PCMTD1: variants seen among roughly 807,000 people sequenced by gnomAD.
The protein encoded by PCMTD1 is protein-L-isoaspartate O-methyltransferase domain-containing protein 1.
PCMTD1 carries 12 observed loss-of-function variants against 37.6 expected under a neutral mutation model. That is an observed-to-expected ratio of 0.32 (90% CI 0.20 to 0.52). The LOEUF (loss-of-function observed/expected upper bound fraction) is 0.52, where lower values mean the gene tolerates loss of function less well. PCMTD1 is among the 20% of genes least tolerant of loss of function. The pLI, the probability that PCMTD1 is intolerant of heterozygous loss-of-function variation, is 0.97. For missense variants in PCMTD1, 235 were observed against 421.3 expected (o/e 0.56, Z 3.87); for synonymous variants, 117 against 135.8 (o/e 0.86, Z 0.96).
intron 3 of PCMTD1, among the ~76,000 whole-genome samples, chr8:51,836,337 A>G (rs1411494353): frequency 6.6e-6 from 1 of 152,244 alleles, no homozygotes; most frequent in Non-Finnish European, 1.5e-5. Flanking sequence ...ACAATGTAAA[A>G]TATCTAATTC....
chr8:51,875,613 A>G (rs2038699865), intron 1 of PCMTD1, among the ~76,000 whole-genome samples: 1 of 152,230 alleles, frequency 6.6e-6, no homozygotes, highest in South Asian at 2.1e-4. Flanking sequence ...TCTTTTCAAC[A>G]TAAATAAAAA....
At chr8:51,826,840 T>C in intron 5 of PCMTD1, 1 of 782,450 alleles carries the variant, frequency 1.3e-6, no homozygotes, top group Non-Finnish European at 1.6e-6. Flanking sequence ...GAATGTCTTC[T>C]CCTCAACCCC....
intron 2 of PCMTD1, among the ~76,000 whole-genome samples, chr8:51,855,964 G>A (rs1045614630): frequency 2.0e-5 from 3 of 152,078 alleles, no homozygotes; most frequent in Non-Finnish European, 4.4e-5. Context: ...ACCGCGCCTG[G>A]CCCAGAATGT....
chr8:51,888,991 G>A (rs150885312), intron 1 of PCMTD1, among the ~76,000 whole-genome samples: 64 of 152,264 alleles, frequency 4.2e-4, no homozygotes, highest in Non-Finnish European at 7.2e-4. Context: ...GTGACTAGAT[G>A]ATTCAAATCT....
chr8:51,871,356 C>A (rs1341146886), intron 1 of PCMTD1, among the ~76,000 whole-genome samples: 1 of 152,200 alleles, frequency 6.6e-6, no homozygotes. Context: ...CAGTTATCTT[C>A]TGCCATGCTC....
chr8:51,854,371 A>AG (rs1048832139), intron 2 of PCMTD1, among the ~76,000 whole-genome samples: 25 of 66,114 alleles, frequency 3.8e-4, no homozygotes, highest in Admixed American at 8.6e-4. Flanking sequence ...TGTAAGTGAG[A>AG]GGGGGAAAAA....
At chr8:51,862,071 T>C (rs1291387456) in intron 1 of PCMTD1, among the ~76,000 whole-genome samples, 2 of 152,198 alleles carry the variant, frequency 1.3e-5, no homozygotes, top group Non-Finnish European at 2.9e-5. Flanking sequence ...TAGTATAGTA[T>C]AGTACAGTAT....
chr8:51,884,200 G>A (rs1337197536), intron 1 of PCMTD1, among the ~76,000 whole-genome samples: 1 of 152,124 alleles, frequency 6.6e-6, no homozygotes, highest in Non-Finnish European at 1.5e-5. Flanking sequence ...AATAAACCAG[G>A]TGTACCTCTT....
At chr8:51,833,372 T>C in intron 4 of PCMTD1, 146 bp downstream of exon 4, 1 of 547,316 alleles carries the variant, frequency 1.8e-6, no homozygotes, top group Non-Finnish European at 2.9e-6. Context: ...ATGTTTCAAG[T>C]TTTTTCTAAA....
chr8:51,895,106 C>A (rs1042193174), intron 1 of PCMTD1, among the ~76,000 whole-genome samples: 2 of 151,978 alleles, frequency 1.3e-5, no homozygotes, highest in Non-Finnish European at 2.9e-5. Context: ...TGTGGGATTG[C>A]CAAAGAAGAG....
At chr8:51,830,183 T>C (rs1487880576) in intron 5 of PCMTD1, among the ~76,000 whole-genome samples, 3 of 152,188 alleles carry the variant, frequency 2.0e-5, no homozygotes, top group Non-Finnish European at 2.9e-5. Flanking sequence ...ATCGCTAAAT[T>C]GGTGGACCTC....
intron 4 of PCMTD1, among the ~76,000 whole-genome samples, chr8:51,831,770 T>C (rs1465954963): frequency 5.3e-5 from 8 of 152,188 alleles, no homozygotes; most frequent in Admixed American, 4.6e-4. Context: ...AATACAGATG[T>C]TTTAACGCAA....
At chr8:51,895,699 G>A (rs929535450) in intron 1 of PCMTD1, among the ~76,000 whole-genome samples, 14 of 152,004 alleles carry the variant, frequency 9.2e-5, no homozygotes, top group Non-Finnish European at 1.6e-4. Context: ...TTCTAAAAAC[G>A]TCTTTAGGGG....
rs1378337116 is a variant in PCMTD1 at position 51,831,549 on chromosome 8, T to C, written c.601A>G (p.Thr201Ala). 1 of 1,612,406 alleles carries C rather than the reference T, an allele frequency of 6.2e-7. No homozygotes were observed. The highest frequency in any genetic ancestry group is 8.5e-7 in the Non-Finnish European group (1 of 1,179,212). Reference protein sequence around the residue: ...IEDQLTQIMRTGQNTWESKNI... With the variant: ...IEDQLTQIMRAGQNTWESKNI... Reference sequence around the variant, plus strand: ...TTACTTTCCCAAGTGTTCTGTCCAGTTCGCATAATCTGTGTTAACTATTTA... The same window carrying C: ...TTACTTTCCCAAGTGTTCTGTCCAGCTCGCATAATCTGTGTTAACTATTTA... The change falls in exon 5 of 6, where the codon ACT becomes GCT. Residue 201 changes from threonine (T) to alanine (A), a missense_variant. By Grantham distance (58) the Thr-to-Ala change is moderately conservative. This residue lies in a region of PCMTD1 where 183 missense variants were observed against 349.3 expected (regional missense o/e 0.52). Coordinates refer to ENST00000522514, the MANE Select transcript of PCMTD1 (RefSeq NM_052937.4).
chr8:51,835,463 T>C (rs779968923), intron 3 of PCMTD1, among the ~76,000 whole-genome samples: 2 of 152,152 alleles, frequency 1.3e-5, no homozygotes, highest in Non-Finnish European at 2.9e-5. Flanking sequence ...GGCCAAAATA[T>C]AATTTTTGGC....
intron 1 of PCMTD1, among the ~76,000 whole-genome samples, chr8:51,878,014 C>CTGCT (rs1426624788): frequency 6.6e-6 from 1 of 152,144 alleles, no homozygotes; most frequent in Non-Finnish European, 1.5e-5. Flanking sequence ...ACTAATGAAT[C>CTGCT]TAAGCAAAGG....
At chr8:51,844,387 A>T (rs915810326) in intron 3 of PCMTD1, among the ~76,000 whole-genome samples, 1 of 152,142 alleles carries the variant, frequency 6.6e-6, no homozygotes, top group African/African-American at 2.4e-5. Context: ...AAATTCATTG[A>T]ACTACAGTAA....
intron 1 of PCMTD1, among the ~76,000 whole-genome samples, chr8:51,885,201 T>C (rs768730782): frequency 1.3e-5 from 2 of 152,192 alleles, no homozygotes; most frequent in African/African-American, 4.8e-5. Context: ...CAATTTAACT[T>C]AAATTACTAT....
intron 2 of PCMTD1, among the ~76,000 whole-genome samples, chr8:51,850,250 C>A (rs759644457): frequency 6.6e-6 from 1 of 152,152 alleles, no homozygotes; most frequent in South Asian, 2.1e-4. Context: ...AAACTTTGCA[C>A]ACTATAATGT....
Sources: allele counts gnomAD v4.1 joint callset (sites outside exome capture counted in the v4.1 genomes callset), GRCh38; gene constraint gnomAD v4.1.1; regional missense constraint gnomAD v4.1.1; transcripts MANE v1.5; gene names NCBI Gene and HGNC (gene_info 2026-07-23, HGNC 2026-07-21).